The following BBS9 variants were observed in gnomAD, a reference collection of about 807,000 sequenced individuals.
BBS9 encodes the protein Bardet-Biedl syndrome 9.
BBS9 carries 89 observed loss-of-function variants against 117.7 expected under a neutral mutation model. The observed-to-expected ratio is 0.76, with a 90% CI of 0.64 to 0.90. BBS9 has a LOEUF of 0.90. BBS9 is among the 40% of genes least tolerant of loss of function. The pLI is 0.00. For synonymous variants in BBS9, 379 were observed against 370.9 expected (o/e 1.02, Z -0.25); for missense variants, 982 against 1,042.2 (o/e 0.94, Z 0.80).
chr7:33,601,228 C>CGAGA (rs1328087556), intron 21 of BBS9, among the ~76,000 whole-genome samples: 1 of 152,078 alleles, frequency 6.6e-6, no homozygotes, highest in Admixed American at 6.5e-5. Flanking sequence ...CTCCTCGAGG[C>CGAGA]GAGACGCTTG....
intron 16 of BBS9, among the ~76,000 whole-genome samples, chr7:33,361,450 A>C (rs545248114): frequency 6.6e-6 from 1 of 152,264 alleles, no homozygotes; most frequent in South Asian, 2.1e-4. Flanking sequence ...AATTCTTTGG[A>C]GACAAATGCT....
intron 9 of BBS9, among the ~76,000 whole-genome samples, chr7:33,285,882 T>A (rs1210601763): frequency 6.6e-6 from 1 of 152,058 alleles, no homozygotes; most frequent in Non-Finnish European, 1.5e-5. Flanking sequence ...AGATATCTTC[T>A]GCTTGGCTCA....
rs527635008 is a variant in BBS9 at position 33,467,290 on chromosome 7, T to C, written c.2116-38173T>C. Among the ~76,000 whole-genome samples the C allele has an allele frequency of 7.2e-5, 11 of 152,200 alleles. No individual in the cohort carries two copies. In the East Asian group the frequency reaches 1.9e-3, roughly 27 times the overall value. On this transcript the variant is annotated intron_variant, in intron 19 of 22. Coordinates refer to ENST00000242067, the MANE Select transcript of BBS9 (RefSeq NM_198428.3). ...TCTCTTTTAGTTCTAGTTTGTTTACTAGACCCAGAATGACATGCTATATCC... is the reference window on the plus strand; with the variant it reads ...TCTCTTTTAGTTCTAGTTTGTTTACCAGACCCAGAATGACATGCTATATCC...
intron 9 of BBS9, among the ~76,000 whole-genome samples, chr7:33,283,424 A>G (rs930936232): frequency 2.6e-5 from 4 of 151,544 alleles, no homozygotes; most frequent in African/African-American, 9.7e-5. Context: ...TGTTCTTTCT[A>G]TTTTGATTTT....
At chr7:33,446,128 A>G (rs1221045603) in intron 19 of BBS9, among the ~76,000 whole-genome samples, 1 of 152,194 alleles carries the variant, frequency 6.6e-6, no homozygotes, top group African/African-American at 2.4e-5. Context: ...TGAGAGATCT[A>G]AAATATGGTT....
chr7:33,488,043 A>G lies in BBS9; in HGVS notation c.2116-17420A>G, dbSNP rs1843355578. On this transcript the variant is annotated intron_variant, in intron 19 of 22. Transcript: ENST00000242067. ...TAAGTTTCTGAAAAAATAGAAAATCAAGACAAAGCCAAACTCTGATCCCAT... is the reference window on the plus strand; with the variant it reads ...TAAGTTTCTGAAAAAATAGAAAATCGAGACAAAGCCAAACTCTGATCCCAT... Among the ~76,000 whole-genome samples the G allele has an allele frequency of 2.0e-5, 3 of 152,196 alleles. No individual in the cohort carries two copies. In the South Asian group the frequency reaches 6.2e-4, roughly 32 times the overall value.
intron 19 of BBS9, among the ~76,000 whole-genome samples, chr7:33,400,232 TAA>T (rs34032951): frequency 7.3e-5 from 11 of 151,162 alleles, no homozygotes; most frequent in South Asian, 2.1e-4. Context: ...GTTTGATCTT[TAA>T]AAAAAAAATA....
chr7:33,505,748 G>C, intron 20 of BBS9, 103 bp downstream of exon 20: 1 of 1,269,956 alleles, frequency 7.9e-7, no homozygotes, highest in Non-Finnish European at 1.1e-6. Flanking sequence ...ATCAAATAAG[G>C]GTTTGATTTT....
intron 21 of BBS9, among the ~76,000 whole-genome samples, chr7:33,551,898 A>C (rs1854483286): frequency 6.6e-6 from 1 of 152,104 alleles, no homozygotes; most frequent in African/African-American, 2.4e-5. Context: ...GGTTAAAATA[A>C]TTATGTTTGG....
intron 4 of BBS9, among the ~76,000 whole-genome samples, chr7:33,163,197 T>C (rs1795136255): frequency 6.6e-6 from 1 of 152,228 alleles, no homozygotes; most frequent in Non-Finnish European, 1.5e-5. Context: ...TCGTGGTGGA[T>C]AAACTTTTTG....
chr7:33,310,143 A>G (rs1808908777), intron 9 of BBS9, among the ~76,000 whole-genome samples: 1 of 152,204 alleles, frequency 6.6e-6, no homozygotes, highest in Non-Finnish European at 1.5e-5. Context: ...CACAAAATTC[A>G]GCCCTCCTCC....
chr7:33,514,599 T>A (rs1225635445), intron 20 of BBS9, among the ~76,000 whole-genome samples: 2 of 152,276 alleles, frequency 1.3e-5, no homozygotes, highest in East Asian at 3.9e-4. Flanking sequence ...TGTAAATGAT[T>A]TACTGTAACA....
chr7:33,419,290 A>G (rs1247808280), intron 19 of BBS9, among the ~76,000 whole-genome samples: 4 of 152,190 alleles, frequency 2.6e-5, no homozygotes, highest in African/African-American at 9.6e-5. Context: ...TTTAATTAAA[A>G]TTGTATATCA....
At chr7:33,408,557 G>A (rs1830517978) in intron 19 of BBS9, among the ~76,000 whole-genome samples, 1 of 152,188 alleles carries the variant, frequency 6.6e-6, no homozygotes, top group African/African-American at 2.4e-5. Flanking sequence ...GTAGACTGGA[G>A]CTGTTCCTAT....
At chr7:33,524,820 A>G (rs1442631907) in intron 20 of BBS9, among the ~76,000 whole-genome samples, 4 of 151,966 alleles carry the variant, frequency 2.6e-5, no homozygotes, top group African/African-American at 9.7e-5. Flanking sequence ...TTGCTTTTCT[A>G]GTTCTTTTAA....
intron 9 of BBS9, among the ~76,000 whole-genome samples, chr7:33,317,160 G>A (rs1003360650): frequency 6.6e-6 from 1 of 151,952 alleles, no homozygotes; most frequent in Non-Finnish European, 1.5e-5. Flanking sequence ...AACCAATTGA[G>A]CATATGAGCA....
chr7:33,633,385 C>A (rs1000061727), intron 21 of BBS9, among the ~76,000 whole-genome samples: 2 of 151,648 alleles, frequency 1.3e-5, no homozygotes, highest in African/African-American at 4.8e-5. Flanking sequence ...GAAAGCAGGG[C>A]TACATATTGG....
intron 19 of BBS9, among the ~76,000 whole-genome samples, chr7:33,480,570 G>A (rs1842393997): frequency 6.6e-6 from 1 of 152,154 alleles, no homozygotes; most frequent in Non-Finnish European, 1.5e-5. Flanking sequence ...ATAGGTTTCT[G>A]TCATGTATCT....
intron 9 of BBS9, among the ~76,000 whole-genome samples, chr7:33,294,493 A>T (rs1285849253): frequency 1.3e-5 from 2 of 152,108 alleles, no homozygotes; most frequent in African/African-American, 4.8e-5. Flanking sequence ...TCTTGGCTGG[A>T]GGCTCCAGTT....
Sources: gnomAD v4.1 joint callset for allele counts (sites outside exome capture counted in the v4.1 genomes callset) on GRCh38, gnomAD v4.1.1 for gene constraint, MANE v1.5 for transcripts, NCBI Gene and HGNC (gene_info 2026-07-23, HGNC 2026-07-21) for gene names.